CADPS: variants seen among roughly 807,000 people sequenced by gnomAD.
The protein encoded by CADPS is calcium dependent secretion activator, also known as calcium-dependent secretion activator 1.
A neutral mutation model predicts 167.3 loss-of-function variants in CADPS; 57 were observed. That is an observed-to-expected ratio of 0.34 (90% confidence interval 0.28 to 0.42). CADPS has a LOEUF of 0.42. CADPS is among the 20% of genes least tolerant of loss of function. CADPS has a pLI of 1.00. For missense variants in CADPS, 1,414 were observed against 1,738.1 expected (o/e 0.81, Z 3.32); for synonymous variants, 676 against 635.3 (o/e 1.06, Z -0.96).
chr3:62,865,622 G>T (rs998578386), intron 1 of CADPS, among the ~76,000 whole-genome samples: 7 of 151,880 alleles, frequency 4.6e-5, no homozygotes, highest in Admixed American at 1.3e-4. Flanking sequence ...TTTCCCACTT[G>T]TTAAAATAAA....
Position 62,856,871 on chromosome 3 carries a change from A to G in CADPS, c.441+17718T>C, listed in dbSNP as rs572111680. Among the ~76,000 whole-genome samples, 5 of 152,036 alleles carry G rather than the reference A, an allele frequency of 3.3e-5. No homozygotes were observed. The South Asian group carries it at 1.0e-3, about 32-fold the overall frequency. On this transcript the variant is annotated intron_variant, in intron 1 of 29. Coordinates refer to ENST00000383710, the MANE Select transcript of CADPS (RefSeq NM_003716.4). ...GAGTAAAAAATATAAAGGTAAAAAA[A>G]AAAAACACTATAAGTAGTAGAAGAA...
chr3:62,448,647 T>G (rs2057581406), intron 26 of CADPS, among the ~76,000 whole-genome samples: 1 of 151,968 alleles, frequency 6.6e-6, no homozygotes, highest in Non-Finnish European at 1.5e-5. Flanking sequence ...GGAGTCTCAC[T>G]GTGTCACCCA....
At chr3:62,564,915 T>C (rs1014991729) in intron 9 of CADPS, among the ~76,000 whole-genome samples, 4 of 152,156 alleles carry the variant, frequency 2.6e-5, no homozygotes, top group Non-Finnish European at 4.4e-5. Context: ...ACCAGAAATC[T>C]TTTGATCACA....
rs141630785 is a variant in CADPS, at chr3:62,553,142, G to A, written c.1754-3027C>T. ...AGTCAGGGAATGCCAGGACAAACAC[G>A]ATCAGGTATCACTTTTACTAGCCCC... On this transcript the variant is annotated intron_variant, in intron 10 of 29. Transcript: ENST00000383710. Among the ~76,000 whole-genome samples, 102 of 152,208 alleles carry A rather than the reference G, an allele frequency of 6.7e-4. 1 individual carries two copies. The highest frequency in any genetic ancestry group is 1.1e-3 in the Non-Finnish European group (73 of 68,014).
intron 26 of CADPS, among the ~76,000 whole-genome samples, chr3:62,447,441 G>A (rs1457882645): frequency 5.3e-5 from 8 of 152,100 alleles, no homozygotes; most frequent in African/African-American, 1.2e-4. Context: ...CAATTCAGCC[G>A]AAATTTTTTT....
At chr3:62,414,007 G>A (rs2049515766) in intron 28 of CADPS, among the ~76,000 whole-genome samples, 1 of 152,126 alleles carries the variant, frequency 6.6e-6, no homozygotes, top group Non-Finnish European at 1.5e-5. Flanking sequence ...GAAGAACAAA[G>A]AACAAATCTG....
chr3:62,763,943 T>G (rs1290538939), intron 2 of CADPS, among the ~76,000 whole-genome samples: 5 of 152,208 alleles, frequency 3.3e-5, no homozygotes, highest in African/African-American at 9.7e-5. Flanking sequence ...AACATTGGGA[T>G]CACTGTAGAT....
chr3:62,524,531 G>A (rs945287740), intron 13 of CADPS, among the ~76,000 whole-genome samples: 1 of 152,104 alleles, frequency 6.6e-6, no homozygotes, highest in Non-Finnish European at 1.5e-5. Context: ...TAGCTTCCTG[G>A]GGCTAATAAT....
At chr3:62,694,762 G>A (rs1254505159) in intron 3 of CADPS, among the ~76,000 whole-genome samples, 1 of 152,012 alleles carries the variant, frequency 6.6e-6, no homozygotes, top group East Asian at 1.9e-4. Context: ...CCATACCCCA[G>A]TATCTGAAAG....
At chr3:62,417,969 A>G (rs1226914834) in intron 28 of CADPS, among the ~76,000 whole-genome samples, 1 of 152,158 alleles carries the variant, frequency 6.6e-6, no homozygotes, top group Admixed American at 6.5e-5. Flanking sequence ...ATTTAAGGCC[A>G]GCCTGGGCAA....
rs758755817 is a variant in CADPS at position 62,650,883 on chromosome 3, G to A, written c.1167C>T (p.Leu389=). The A allele has an allele frequency of 1.9e-6, 3 of 1,614,018 alleles. No homozygotes were observed. The highest frequency in any genetic ancestry group is 2.5e-6 in the Non-Finnish European group (3 of 1,179,956). Residue 389 remains leucine, a synonymous_variant, in exon 5 of 30, where the codon CTC becomes CTT. Transcript: ENST00000383710. Reference sequence around the variant, plus strand: ...AAGACAGCACGACATCTGACTTGGAGAGCTGGTTCTCACTCTCCTCGCCCA... The same window carrying A: ...AAGACAGCACGACATCTGACTTGGAAAGCTGGTTCTCACTCTCCTCGCCCA... ...IDMGEESENQ[L]SKSDVVLSFS...
At chr3:62,790,555 G>A (rs1455307541) in intron 1 of CADPS, among the ~76,000 whole-genome samples, 1 of 152,130 alleles carries the variant, frequency 6.6e-6, no homozygotes, top group Non-Finnish European at 1.5e-5. Flanking sequence ...GGGAGTCACA[G>A]AACTAGATTC....
At chr3:62,449,670 C>T (rs1247806919) in intron 26 of CADPS, among the ~76,000 whole-genome samples, 4 of 152,168 alleles carry the variant, frequency 2.6e-5, no homozygotes. Context: ...TTACCATCTA[C>T]ACAAGGCTAT....
At chr3:62,473,625 A>G (rs533603151) in intron 24 of CADPS, 1 of 152,228 alleles carries the variant, frequency 6.6e-6, no homozygotes, top group South Asian at 2.1e-4. Flanking sequence ...AAAGGACTAA[A>G]CTTTTGGTCA....
At chr3:62,818,616 T>C (rs1309944695) in intron 1 of CADPS, among the ~76,000 whole-genome samples, 1 of 152,194 alleles carries the variant, frequency 6.6e-6, no homozygotes, top group Non-Finnish European at 1.5e-5. Flanking sequence ...CACTTTACTT[T>C]GCATAACGGT....
intron 11 of CADPS, among the ~76,000 whole-genome samples, chr3:62,539,718 A>C (rs1431875048): frequency 6.6e-6 from 1 of 152,194 alleles, no homozygotes; most frequent in Non-Finnish European, 1.5e-5. Context: ...TTATCTTCTC[A>C]GAATAAATAC....
At chr3:62,581,933 A>C (rs190081335) in intron 8 of CADPS, among the ~76,000 whole-genome samples, 5 of 152,288 alleles carry the variant, frequency 3.3e-5, no homozygotes, top group Admixed American at 3.3e-4. Flanking sequence ...TGATTCTCAA[A>C]TATGCCCAGA....
At chr3:62,769,186 T>C (rs572153242) in intron 1 of CADPS, among the ~76,000 whole-genome samples, 3 of 152,158 alleles carry the variant, frequency 2.0e-5, no homozygotes, top group Admixed American at 6.5e-5. Context: ...ACAGGATGAA[T>C]GCTCAATACA....
At chr3:62,854,701 ATCT>A (rs1172686265) in intron 1 of CADPS, among the ~76,000 whole-genome samples, 1 of 152,180 alleles carries the variant, frequency 6.6e-6, no homozygotes, top group Non-Finnish European at 1.5e-5. Context: ...TATTTTTCTG[ATCT>A]TCTTCCCAAT....
Sources: gnomAD v4.1 joint callset for allele counts (sites outside exome capture counted in the v4.1 genomes callset) on GRCh38, gnomAD v4.1.1 for gene constraint, MANE v1.5 for transcripts, NCBI Gene and HGNC (gene_info 2026-07-23, HGNC 2026-07-21) for gene names.